Variants in RANBP17 observed in about 807,000 individuals in gnomAD.
The protein encoded by RANBP17 is RAN binding protein 17.
RANBP17 carries 158 observed loss-of-function variants against 141.2 expected under a neutral mutation model. The observed-to-expected ratio is 1.12, with a 90% CI of 0.98 to 1.28. The LOEUF (loss-of-function observed/expected upper bound fraction) is 1.28. Among genes scored for constraint, RANBP17 ranks in the 50% most tolerant of loss-of-function variants. The pLI is 0.00. For synonymous variants in RANBP17, 430 were observed against 450.0 expected (o/e 0.96, Z 0.56); for missense variants, 1,438 against 1,290.7 (o/e 1.11, Z -1.75).
At chr5:171,144,707 GTGTT>G (rs1757924114) in intron 14 of RANBP17, among the ~76,000 whole-genome samples, 1 of 152,296 alleles carries the variant, frequency 6.6e-6, no homozygotes, top group African/African-American at 2.4e-5. Flanking sequence ...TTAAAACTGA[GTGTT>G]TGACTATCTG....
At position 171,141,468 on chromosome 5, in the gene RANBP17, G is replaced by C. The variant is rs867830629; in HGVS notation, c.1711-28662G>C. Among the ~76,000 whole-genome samples, 20 of 150,772 alleles carry C rather than the reference G, an allele frequency of 1.3e-4. 1 individual carries two copies. Among genetic ancestry groups the C allele is most frequent in the Non-Finnish European group, 3.0e-5 (2 of 67,702 alleles). On this transcript the variant is annotated intron_variant, in intron 14 of 27. Transcript: ENST00000523189. ...AAAAAATACAAAAAATTAGCCAGGC[G>C]TGGTGGTGGGCACCTGTAGCGCCAG...
intron 14 of RANBP17, among the ~76,000 whole-genome samples, chr5:171,146,639 A>G (rs192048312): frequency 2.6e-5 from 4 of 152,344 alleles, no homozygotes; most frequent in Admixed American, 1.3e-4. Context: ...TAACCCCCCA[A>G]AATAGAACAA....
chr5:171,110,116 A>G (rs1471137508), intron 14 of RANBP17, among the ~76,000 whole-genome samples: 5 of 151,750 alleles, frequency 3.3e-5, no homozygotes, highest in African/African-American at 1.2e-4. Context: ...TATGTTTATC[A>G]GTATCATCAT....
chr5:171,040,275 T>C (rs933364494), intron 14 of RANBP17, among the ~76,000 whole-genome samples: 1 of 152,100 alleles, frequency 6.6e-6, no homozygotes, highest in Non-Finnish European at 1.5e-5. Flanking sequence ...CATATAATCA[T>C]TTCAATAGAT....
intron 5 of RANBP17, among the ~76,000 whole-genome samples, chr5:170,899,560 A>T (rs988146824): frequency 2.6e-5 from 4 of 152,222 alleles, no homozygotes; most frequent in Non-Finnish European, 4.4e-5. Context: ...ACTACATTGA[A>T]TAGGAGTGGT....
rs570514194 is a variant in RANBP17, at chr5:171,174,753, T to A, written c.1865+3467T>A. 1.3e-3 allele frequency among the ~76,000 whole-genome samples: 155 copies of A among 120,232 alleles called. 6 individuals carry two copies. In the South Asian group the frequency reaches 0.04, roughly 31 times the overall value. 78.9% of individuals were successfully genotyped at this position (120,232 alleles called of 152,430 possible). A position where few individuals can be genotyped will look rare whatever the true frequency, so the allele number is the denominator to read the frequency against. ...ATGAGAAAACTAAAAATATCTAGAG[T>A]GTGTGTGTGTGTGTGTGTGTGTGTG... is the stretch of plus-strand genomic sequence containing the variant. On this transcript the variant is annotated intron_variant, in intron 16 of 27. Transcript: ENST00000523189.
intron 14 of RANBP17, among the ~76,000 whole-genome samples, chr5:170,985,142 C>G (rs28373324): frequency 6.6e-6 from 1 of 151,772 alleles, no homozygotes; most frequent in Non-Finnish European, 1.5e-5. Flanking sequence ...CACAGACACA[C>G]ACAAATGCAC....
At chr5:171,246,839 A>G (rs935006293) in intron 24 of RANBP17, among the ~76,000 whole-genome samples, 1 of 152,176 alleles carries the variant, frequency 6.6e-6, no homozygotes, top group Non-Finnish European at 1.5e-5. Context: ...TGCTGCTGTC[A>G]TAGGTGTTTC....
chr5:171,015,508 G>A (rs989580822), intron 14 of RANBP17, among the ~76,000 whole-genome samples: 20 of 151,914 alleles, frequency 1.3e-4, no homozygotes, highest in Admixed American at 7.2e-4. Context: ...TATTTTCTAT[G>A]TCTCTAAATA....
chr5:171,021,941 A>C (rs1780884538), intron 14 of RANBP17, among the ~76,000 whole-genome samples: 1 of 151,878 alleles, frequency 6.6e-6, no homozygotes, highest in East Asian at 1.9e-4. Flanking sequence ...CTAACCCTTG[A>C]ATGGGGTTTT....
At chr5:170,949,505 G>A (rs757135244) in intron 12 of RANBP17, among the ~76,000 whole-genome samples, 26 of 152,012 alleles carry the variant, frequency 1.7e-4, no homozygotes, top group Non-Finnish European at 3.7e-4. Flanking sequence ...TTAAGGAAAG[G>A]CGTATCAAAA....
intron 14 of RANBP17, among the ~76,000 whole-genome samples, chr5:170,973,568 T>C (rs1777144235): frequency 6.6e-6 from 1 of 152,176 alleles, no homozygotes; most frequent in African/African-American, 2.4e-5. Context: ...CAACATTCGG[T>C]TATATAATTT....
intron 14 of RANBP17, among the ~76,000 whole-genome samples, chr5:171,040,273 C>T (rs922513804): frequency 2.0e-4 from 31 of 152,182 alleles, no homozygotes; most frequent in African/African-American, 7.5e-4. Context: ...ACCATATAAT[C>T]ATTTCAATAG....
intron 14 of RANBP17, among the ~76,000 whole-genome samples, chr5:171,109,109 G>A (rs17566617): frequency 0.028 from 4,294 of 152,086 alleles, 96 homozygotes; most frequent in Non-Finnish European, 0.039. Context: ...CACAGAAAAC[G>A]GTATACAGGT....
intron 14 of RANBP17, among the ~76,000 whole-genome samples, chr5:171,128,268 G>T (rs977660284): frequency 6.6e-6 from 1 of 152,134 alleles, no homozygotes; most frequent in African/African-American, 2.4e-5. Context: ...ATCAATGAAT[G>T]AATGGATAAA....
At chr5:171,241,247 T>C in intron 23 of RANBP17, 105 bp downstream of exon 23, 1 of 856,646 alleles carries the variant, frequency 1.2e-6, no homozygotes, top group South Asian at 1.8e-5. Flanking sequence ...CTAGAACATT[T>C]TATGTTTTAA....
chr5:171,031,336 C>T (rs1181526206), intron 14 of RANBP17, among the ~76,000 whole-genome samples: 1 of 151,902 alleles, frequency 6.6e-6, no homozygotes, highest in African/African-American at 2.4e-5. Flanking sequence ...AATAAGAAAT[C>T]GATGATTTCC....
intron 14 of RANBP17, among the ~76,000 whole-genome samples, chr5:171,125,897 T>C (rs1756423807): frequency 6.6e-6 from 1 of 151,914 alleles, no homozygotes; most frequent in South Asian, 2.1e-4. Context: ...TTCAAGCAAT[T>C]CTGCCTCAGC....
Position 171,241,086 on chromosome 5 carries a change from A to C in RANBP17, c.2581A>C (p.Asn861His), listed in dbSNP as rs1764851414. The change falls in exon 23 of 28, where the codon AAT (asparagine) becomes CAT (histidine). Residue 861 changes from asparagine (N) to histidine (H), a missense_variant. Asn to His is a moderately conservative substitution (Grantham distance 68). Transcript: ENST00000523189. The stretch of plus-strand genomic sequence containing the variant: ...GTTGTATGGGGACAACCATTTTGAC[A>C]ATGTACTCCAGGCTTTTGTCAAAAT... ...FKLYGDNHFD[N>H]VLQAFVKMLL... 1 of 1,613,896 alleles carries C rather than the reference A, an allele frequency of 6.2e-7. No homozygotes were observed. Among genetic ancestry groups the C allele is most frequent in the Non-Finnish European group, 8.5e-7 (1 of 1,179,900 alleles).
Sources: allele counts gnomAD v4.1 joint callset (sites outside exome capture counted in the v4.1 genomes callset), GRCh38; gene constraint gnomAD v4.1.1; transcripts MANE v1.5; gene names NCBI Gene and HGNC (gene_info 2026-07-23, HGNC 2026-07-21).